Variants in C2orf42 observed in about 807,000 individuals in gnomAD.
C2orf42 encodes the protein uncharacterized protein C2orf42.
A neutral mutation model predicts 58.9 loss-of-function variants in C2orf42; 44 were observed. That is an observed-to-expected ratio of 0.75 (90% confidence interval 0.59 to 0.96). C2orf42 has a LOEUF of 0.96. C2orf42 is among the 40% of genes least tolerant of loss of function. The pLI is 0.00. For missense variants in C2orf42, 630 were observed against 699.2 expected, an observed-to-expected ratio of 0.90 and a Z score of 1.12; for synonymous variants, 239 against 265.4, an observed-to-expected ratio of 0.90 and a Z score of 0.97.
chr2:70,190,820 C>G (rs1675308714), intron 1 of C2orf42, 153 bp downstream of exon 1: 1 of 152,548 alleles, frequency 6.6e-6, no homozygotes, highest in Non-Finnish European at 1.5e-5. Flanking sequence ...CATCACCTCG[C>G]CGGCAGCCGC....
intron 9 of C2orf42, among the ~76,000 whole-genome samples, chr2:70,152,609 A>G (rs139763295): frequency 6.6e-6 from 1 of 152,192 alleles, no homozygotes; most frequent in African/African-American, 2.4e-5. Flanking sequence ...CCTGGCTAGT[A>G]CTTGTACAGA....
In C2orf42 at chr2:70,150,097, TTTTC is replaced by T; in HGVS notation, c.*255_*258del. The T allele has an allele frequency of 2.0e-6, 1 of 507,994 alleles. No homozygotes were observed. The highest frequency in any genetic ancestry group is 2.3e-5 in the South Asian group (1 of 42,750). 31.5% of individuals were successfully genotyped at this position (507,994 alleles called of 1,614,324 possible). Reference sequence around the variant, plus strand: ...GTCCGTAAGAAGGAAAATAAGCTGGTTTTCTTTCTGTTCCTTTTAAAACTCTAGC... The same window carrying T: ...GTCCGTAAGAAGGAAAATAAGCTGGTTTTCTGTTCCTTTTAAAACTCTAGC... On this transcript the variant is annotated 3_prime_UTR_variant, in exon 10 of 10. Transcript: ENST00000264434.
intron 9 of C2orf42, among the ~76,000 whole-genome samples, chr2:70,154,068 C>CAAAAAA (rs1306246622): frequency 4.6e-5 from 5 of 109,064 alleles, no homozygotes; most frequent in South Asian, 2.6e-4. Flanking sequence ...AACAAACAAA[C>CAAAAAA]AAACAAAAAA....
chr2:70,169,785 G>A, intron 5 of C2orf42, 124 bp from the exon 6 acceptor site: 1 of 577,946 alleles, frequency 1.7e-6, no homozygotes. Context: ...TTGAGACAGA[G>A]GTTCGCCCTT....
Position 70,160,655 on chromosome 2 carries a change from G to A in C2orf42, c.1486C>T (p.Pro496Ser), listed in dbSNP as rs148563389. The A allele has an allele frequency of 1.2e-4, 192 of 1,604,594 alleles. No individual in the cohort carries two copies. Among genetic ancestry groups the A allele is most frequent in the Admixed American group, 2.8e-4 (16 of 56,400 alleles). The change falls in exon 9 of 10, where the codon CCC (proline) becomes TCC (serine). Residue 496 changes from proline to serine, a missense_variant. Coordinates refer to ENST00000264434, the MANE Select transcript of C2orf42 (RefSeq NM_017880.3). Reference protein sequence around the residue: ...GRIEKQPVLRPLELKTFLKVG... With the variant: ...GRIEKQPVLRSLELKTFLKVG... ...TTGAGAAAAGTTTTTAGTTCCAAGGGTCGCAGCACTGGTTGTTTTTCTATA... is the reference window on the plus strand; with the variant it reads ...TTGAGAAAAGTTTTTAGTTCCAAGGATCGCAGCACTGGTTGTTTTTCTATA...
Position 70,181,287 on chromosome 2 carries a change from C to G in C2orf42, c.699G>C (p.Lys233Asn). ...CTGTCTCATCCTTGGAGGCATTTGA[C>G]TTGTGCGATTTCAGAGTCTGACAGG... Reference protein sequence around the residue: ...FCSCQTLKSHKSNASKDETAQ... With the variant: ...FCSCQTLKSHNSNASKDETAQ... Residue 233 changes from lysine to asparagine, a missense_variant, in exon 3 of 10, where the codon AAG becomes AAC. Lys to Asn is a moderately conservative substitution (Grantham distance 94, BLOSUM62 0). Coordinates refer to ENST00000264434, the MANE Select transcript of C2orf42 (RefSeq NM_017880.3). The G allele has an allele frequency of 6.2e-7, 1 of 1,613,940 alleles. No individual in the cohort carries two copies. The highest frequency in any genetic ancestry group is 1.7e-5 in the Admixed American group (1 of 59,974).
chr2:70,175,479 G>C (rs1674125584), intron 5 of C2orf42, among the ~76,000 whole-genome samples, 194 bp downstream of exon 5: 1 of 152,162 alleles, frequency 6.6e-6, no homozygotes, highest in Non-Finnish European at 1.5e-5. Context: ...GTTTGCTAAG[G>C]ATAATGGCCT....
At chr2:70,178,119 T>C (rs1397426139) in intron 4 of C2orf42, among the ~76,000 whole-genome samples, 7 of 152,234 alleles carry the variant, frequency 4.6e-5, no homozygotes, top group Admixed American at 4.6e-4. Flanking sequence ...TGTTTTAATT[T>C]TGCATTTCTA....
chr2:70,186,404 C>T (rs1674937301), intron 1 of C2orf42, among the ~76,000 whole-genome samples: 1 of 98,912 alleles, frequency 1.0e-5, no homozygotes, highest in African/African-American at 6.8e-5. Flanking sequence ...GATGATTTAA[C>T]ATATCAAAGT....
chr2:70,165,506 A>AT (rs1673338857), intron 7 of C2orf42, 22 bp downstream of exon 7: 1 of 1,275,052 alleles, frequency 7.8e-7, no homozygotes, highest in East Asian at 2.3e-5. Context: ...ATCCATCACT[A>AT]TACCAAAGGG....
In C2orf42 at chr2:70,182,911, T is replaced by C. The variant is rs1036847196; in HGVS notation, c.-257A>G. On this transcript the variant is annotated 5_prime_UTR_variant, in exon 2 of 10. Coordinates refer to ENST00000264434, the MANE Select transcript of C2orf42 (RefSeq NM_017880.3). The stretch of plus-strand genomic sequence containing the variant: ...AATGTTCCGCAAATAAGATTCCCAC[T>C]TCCCTAAGTGGAGATCTTGATAGTC... The C allele has an allele frequency of 6.6e-6, 1 of 152,146 alleles. No homozygotes were observed. The highest frequency in any genetic ancestry group is 2.4e-5 in the African/African-American group (1 of 41,434). 9.4% of individuals were successfully genotyped at this position (152,146 alleles called of 1,614,324 possible). A position where few individuals can be genotyped will look rare whatever the true frequency, so the allele number is the denominator to read the frequency against.
At chr2:70,159,617 G>T (rs948276729) in intron 9 of C2orf42, among the ~76,000 whole-genome samples, 12 of 151,388 alleles carry the variant, frequency 7.9e-5, no homozygotes, top group African/African-American at 2.9e-4. Flanking sequence ...ATTTAGAACT[G>T]AAAAAAGCCA....
chr2:70,151,615 C>T (rs1378094753), intron 9 of C2orf42, among the ~76,000 whole-genome samples: 2 of 151,812 alleles, frequency 1.3e-5, no homozygotes, highest in African/African-American at 2.4e-5. Flanking sequence ...CCCTGGGCAA[C>T]AGAGTGAGAC....
In C2orf42 at chr2:70,177,401, C is replaced by T. The variant is rs1303866001; in HGVS notation, c.935-1624G>A. On this transcript the variant is annotated intron_variant, in intron 4 of 9. Coordinates refer to ENST00000264434, the MANE Select transcript of C2orf42 (RefSeq NM_017880.3). ...GTTGCAGTGAGCCAAGATCACGCCA[C>T]TGCACAATCCAGAGCAAGACTCCAT... Among the ~76,000 whole-genome samples, 9 of 152,100 alleles carry T rather than the reference C, an allele frequency of 5.9e-5. No homozygotes were observed. In the East Asian group the frequency reaches 1.7e-3, roughly 29 times the overall value.
chr2:70,162,199 C>T (rs1306983638), intron 8 of C2orf42, among the ~76,000 whole-genome samples: 2 of 151,694 alleles, frequency 1.3e-5, no homozygotes, highest in South Asian at 2.1e-4. Flanking sequence ...CTAGTAGAGA[C>T]GGGTTTTCAC....
At chr2:70,163,898 G>C (rs1673223778) in intron 8 of C2orf42, among the ~76,000 whole-genome samples, 1 of 151,822 alleles carries the variant, frequency 6.6e-6, no homozygotes, top group Non-Finnish European at 1.5e-5. Context: ...GGCTGGAAGA[G>C]GCAGATTACA....
At chr2:70,162,736 C>T (rs974610881) in intron 8 of C2orf42, among the ~76,000 whole-genome samples, 3 of 152,034 alleles carry the variant, frequency 2.0e-5, no homozygotes, top group Non-Finnish European at 4.4e-5. Context: ...CCTCCTAAAT[C>T]GCTGGTATTA....
chr2:70,166,277 C>T (rs569919587), intron 6 of C2orf42, among the ~76,000 whole-genome samples: 38 of 148,940 alleles, frequency 2.6e-4, no homozygotes, highest in African/African-American at 6.2e-4. Context: ...TCAACTGAGT[C>T]GAGGAGGTTG....
intron 9 of C2orf42, among the ~76,000 whole-genome samples, chr2:70,156,440 A>T (rs12470586): frequency 0.025 from 3,790 of 151,886 alleles, 351 homozygotes; most frequent in Admixed American, 0.17. Flanking sequence ...CACTATGATC[A>T]CACCTGGAAA....
Sources: allele counts gnomAD v4.1 joint callset (sites outside exome capture counted in the v4.1 genomes callset), GRCh38; gene constraint gnomAD v4.1.1; transcripts MANE v1.5; gene names NCBI Gene and HGNC (gene_info 2026-07-23, HGNC 2026-07-21).